The following TMEM132D variants were observed in gnomAD, a reference collection of about 807,000 sequenced individuals.
TMEM132D encodes the protein transmembrane protein 132D.
Under a neutral mutation model 62.3 loss-of-function variants are expected in TMEM132D, and 21 were observed. The observed-to-expected ratio is 0.34, with a 90% CI of 0.24 to 0.49. TMEM132D has a LOEUF of 0.49. Ranked by LOEUF, TMEM132D falls within the 20% of genes least tolerant of loss-of-function variation. TMEM132D has a pLI of 0.99. For missense variants in TMEM132D, 1,346 were observed against 1,402.8 expected (o/e 0.96, Z 0.65); for synonymous variants, 621 against 575.6 (o/e 1.08, Z -1.13).
intron 5 of TMEM132D, among the ~76,000 whole-genome samples, chr12:129,113,529 A>T (rs1466003426): frequency 6.6e-6 from 1 of 152,252 alleles, no homozygotes; most frequent in Non-Finnish European, 1.5e-5. Context: ...CACTGGGGGA[A>T]AAATGACAAT....
At chr12:129,209,484 G>A (rs1878959722) in intron 5 of TMEM132D, 36 bp downstream of exon 5, 1 of 1,610,886 alleles carries the variant, frequency 6.2e-7, no homozygotes, top group Non-Finnish European at 8.5e-7. Flanking sequence ...TGACATGACA[G>A]CAGGTTTCTG....
chr12:129,257,884 G>A lies in TMEM132D; in HGVS notation c.1300-48221C>T, dbSNP rs79390505. 1.8e-3 allele frequency among the ~76,000 whole-genome samples: 280 copies of A among 152,252 alleles called. 1 individual carries two copies. The highest frequency in any genetic ancestry group is 3.1e-3 in the South Asian group (15 of 4,826). Reference sequence around the variant, plus strand: ...CCTAGTGACATTGCTTGAGCTCCTGGGTCCAGCAACACCTGGTGTCAGAGG... The same window carrying A: ...CCTAGTGACATTGCTTGAGCTCCTGAGTCCAGCAACACCTGGTGTCAGAGG... On this transcript the variant is annotated intron_variant, in intron 4 of 8. Coordinates refer to ENST00000422113, the MANE Select transcript of TMEM132D (RefSeq NM_133448.3).
At chr12:129,091,621 G>C (rs531452006) in intron 5 of TMEM132D, among the ~76,000 whole-genome samples, 10 of 151,898 alleles carry the variant, frequency 6.6e-5, no homozygotes, top group African/African-American at 1.9e-4. Context: ...TCCTCACTTG[G>C]GCTCTGGGGT....
intron 1 of TMEM132D, among the ~76,000 whole-genome samples, chr12:129,871,278 G>C (rs139360123): frequency 2.2e-4 from 33 of 152,216 alleles, no homozygotes; most frequent in Middle Eastern, 3.4e-3. Context: ...TGCTGAAGTT[G>C]CTGGGAGGAT....
chr12:129,672,545 TC>T (rs916683063), intron 2 of TMEM132D, among the ~76,000 whole-genome samples: 72 of 152,172 alleles, frequency 4.7e-4, no homozygotes, highest in African/African-American at 1.7e-3. Flanking sequence ...TAACCAAAGT[TC>T]CCCAGAGCCT....
intron 3 of TMEM132D, among the ~76,000 whole-genome samples, chr12:129,406,798 C>T (rs1325930376): frequency 1.3e-5 from 2 of 152,166 alleles, no homozygotes; most frequent in African/African-American, 4.8e-5. Flanking sequence ...CGCCTCCACT[C>T]ACTCTGAGCT....
At chr12:129,436,994 A>C (rs769978353) in intron 3 of TMEM132D, among the ~76,000 whole-genome samples, 1 of 152,304 alleles carries the variant, frequency 6.6e-6, no homozygotes, top group Admixed American at 6.5e-5. Context: ...TATCATAGAG[A>C]CTGCTCCATC....
intron 3 of TMEM132D, among the ~76,000 whole-genome samples, chr12:129,444,722 A>G (rs1046694986): frequency 3.3e-5 from 5 of 152,330 alleles, no homozygotes; most frequent in Middle Eastern, 3.4e-3. Context: ...CAACATGCAT[A>G]TGAAAAAGGC....
intron 3 of TMEM132D, among the ~76,000 whole-genome samples, chr12:129,462,871 G>A (rs1041497584): frequency 2.6e-5 from 4 of 152,098 alleles, no homozygotes; most frequent in Admixed American, 2.0e-4. Context: ...TCTTCCATAC[G>A]CAGGCCAGTC....
chr12:129,745,536 C>A (rs185626271), intron 1 of TMEM132D, among the ~76,000 whole-genome samples: 27 of 152,296 alleles, frequency 1.8e-4, no homozygotes, highest in Admixed American at 1.4e-3. Context: ...TTCAACCCCC[C>A]TCTATCTCTT....
intron 1 of TMEM132D, among the ~76,000 whole-genome samples, chr12:129,813,253 G>A (rs910605983): frequency 2.0e-5 from 3 of 151,648 alleles, no homozygotes; most frequent in African/African-American, 7.3e-5. Context: ...GCTAAAATGC[G>A]TCACTGGTTT....
intron 1 of TMEM132D, among the ~76,000 whole-genome samples, chr12:129,793,718 A>G (rs1871470086): frequency 6.6e-6 from 1 of 152,154 alleles, no homozygotes; most frequent in African/African-American, 2.4e-5. Flanking sequence ...TGCCTTTTAA[A>G]ATTTTTGTAC....
chr12:129,705,611 A>T (rs546374363), intron 1 of TMEM132D, among the ~76,000 whole-genome samples: 2 of 152,328 alleles, frequency 1.3e-5, no homozygotes, highest in African/African-American at 4.8e-5. Context: ...AATGTATACC[A>T]TATCTTCTGT....
intron 4 of TMEM132D, among the ~76,000 whole-genome samples, chr12:129,301,855 G>T (rs546750958): frequency 1.7e-4 from 26 of 152,166 alleles, no homozygotes; most frequent in Non-Finnish European, 3.7e-4. Flanking sequence ...TGATTTCAAG[G>T]CTCTGACTCT....
chr12:129,822,853 T>C (rs755170850), intron 1 of TMEM132D, among the ~76,000 whole-genome samples: 1 of 152,218 alleles, frequency 6.6e-6, no homozygotes, highest in Non-Finnish European at 1.5e-5. Context: ...TTGGGGATTA[T>C]TGTAATTCAA....
chr12:129,321,661 A>G (rs1387575475), intron 4 of TMEM132D, among the ~76,000 whole-genome samples: 2 of 151,640 alleles, frequency 1.3e-5, no homozygotes, highest in Non-Finnish European at 2.9e-5. Context: ...GGTTCACGCC[A>G]TTCTCCTGCT....
chr12:129,156,155 C>CCCAATATAAA (rs111373682), intron 5 of TMEM132D, among the ~76,000 whole-genome samples: 1,748 of 151,846 alleles, frequency 0.012, 41 homozygotes, highest in African/African-American at 0.04. Flanking sequence ...ATAACACACT[C>CCCAATATAAA]CCAATATAAA....
intron 3 of TMEM132D, among the ~76,000 whole-genome samples, chr12:129,410,838 T>C (rs960391544): frequency 3.3e-5 from 5 of 152,264 alleles, no homozygotes; most frequent in African/African-American, 9.6e-5. Context: ...TTGTGGTAAC[T>C]TAAGAATTGA....
chr12:129,393,830 A>G (rs1871352542), intron 3 of TMEM132D, among the ~76,000 whole-genome samples: 1 of 152,182 alleles, frequency 6.6e-6, no homozygotes, highest in African/African-American at 2.4e-5. Context: ...CAGGTGTACA[A>G]CAGAAAGAGC....
Sources: gnomAD v4.1 joint callset for allele counts (sites outside exome capture counted in the v4.1 genomes callset) on GRCh38, gnomAD v4.1.1 for gene constraint, MANE v1.5 for transcripts, NCBI Gene and HGNC (gene_info 2026-07-23, HGNC 2026-07-21) for gene names.